The following CST2 variants were observed in gnomAD, a reference collection of about 807,000 sequenced individuals.
CST2 encodes cystatin SA, also known as cystatin-SA.
In CST2, 26 loss-of-function variants were observed where a neutral mutation model predicts 13.4. The observed-to-expected ratio is 1.95, with a 90% CI of 1.43 to 2.70. The LOEUF (loss-of-function observed/expected upper bound fraction) is 2.70. Ranked by LOEUF, CST2 falls within the 30% of genes most tolerant of loss-of-function variation. The pLI is 0.00. For synonymous variants in CST2, 105 were observed against 71.1 expected, an observed-to-expected ratio of 1.48 and a Z score of -2.40; for missense variants, 243 against 173.4, an observed-to-expected ratio of 1.40 and a Z score of -2.25.
intron 2 of CST2, among the ~76,000 whole-genome samples, chr20:23,824,918 A>T (rs73902188): frequency 5.3e-5 from 8 of 151,742 alleles, no homozygotes; most frequent in Non-Finnish European, 8.8e-5. Context: ...GGACCCCTCA[A>T]CCCCATGGAT....
At chr20:23,825,448 A>G (rs1984803440) in intron 1 of CST2, 125 bp from the exon 2 acceptor site, 7 of 884,820 alleles carry the variant, frequency 7.9e-6, no homozygotes, top group East Asian at 2.5e-5. Context: ...ACATGTCAAC[A>G]CAAGGCACAC....
chr20:23,823,901 TCTC>T lies in CST2; in HGVS notation c.*116_*118del, dbSNP rs2122131171. On this transcript the variant is annotated 3_prime_UTR_variant, in exon 3 of 3. Transcript: ENST00000304725. ...AGGCCTCCTGCAGCCTTCTCTGTCT[TCTC>T]CTGCTGCAGGTGCATGGGGAGACCT... is the stretch of plus-strand genomic sequence containing the variant. 7 of 1,058,000 alleles carry T rather than the reference TCTC, an allele frequency of 6.6e-6. No individual in the cohort carries two copies. Among genetic ancestry groups the T allele is most frequent in the South Asian group, 1.5e-5 (1 of 68,752 alleles). The allele number at this position is 1,058,000 out of a possible 1,614,324, so 65.5% of individuals were successfully genotyped here.
chr20:23,824,299 A>C (rs1007860797), intron 2 of CST2, among the ~76,000 whole-genome samples, 196 bp from the exon 3 acceptor site: 2 of 151,982 alleles, frequency 1.3e-5, no homozygotes, highest in African/African-American at 2.4e-5. Context: ...GCTCCAAGTC[A>C]CCAGGTGGCA....
rs1984856973 is a variant in CST2 at position 23,826,729 on chromosome 20, C to T, written c.-69G>A. ...GAGGTTGAGAGCCTGAGGCGGGGATCCCAGACCAGCAGGCAGCTGTGCATT... is the reference window on the plus strand; with the variant it reads ...GAGGTTGAGAGCCTGAGGCGGGGATTCCAGACCAGCAGGCAGCTGTGCATT... On this transcript the variant is annotated 5_prime_UTR_variant, in exon 1 of 3. Transcript: ENST00000304725. 1 of 1,389,686 alleles carries T rather than the reference C, an allele frequency of 7.2e-7. No homozygotes were observed. Among genetic ancestry groups the T allele is most frequent in the African/African-American group, 1.4e-5 (1 of 69,828 alleles). 86.1% of individuals were successfully genotyped at this position (1,389,686 alleles called of 1,614,324 possible).
intron 2 of CST2, 116 bp from the exon 3 acceptor site, chr20:23,824,219 C>T: frequency 1.0e-6 from 1 of 997,100 alleles, no homozygotes; most frequent in South Asian, 1.5e-5. Context: ...ACTGGGCCCT[C>T]ACCCACCCCT....
chr20:23,824,189 G>A (rs1984754412), intron 2 of CST2, 86 bp from the exon 3 acceptor site: 4 of 1,365,234 alleles, frequency 2.9e-6, no homozygotes, highest in Middle Eastern at 1.8e-4. Flanking sequence ...CAGCCTGAGT[G>A]AGGAGGATGG....
chr20:23,824,589 C>T (rs1268177526), intron 2 of CST2, among the ~76,000 whole-genome samples: 8 of 152,272 alleles, frequency 5.3e-5, no homozygotes, highest in East Asian at 3.9e-4. Flanking sequence ...CAGCAGGTCC[C>T]TGGAGAGGCT....
rs200643810 is a variant in CST2, at chr20:23,824,553, C to T, written c.343-450G>A. Among the ~76,000 whole-genome samples, 12 of 152,272 alleles carry T rather than the reference C, an allele frequency of 7.9e-5. No individual in the cohort carries two copies. In the East Asian group the frequency reaches 2.1e-3, roughly 27 times the overall value. ...ATGGTAACAAGGGGAGTGTGGCTCT[C>T]CCCTGAGTGGAGACCTCACAAGAAC... On this transcript the variant is annotated intron_variant, in intron 2 of 2. Coordinates refer to ENST00000304725, the MANE Select transcript of CST2 (RefSeq NM_001322.3).
intron 1 of CST2, among the ~76,000 whole-genome samples, chr20:23,825,765 G>A (rs1479909229): frequency 6.6e-6 from 1 of 152,208 alleles, no homozygotes; most frequent in Non-Finnish European, 1.5e-5. Flanking sequence ...GGTCCCAGTT[G>A]ACAGCTGCAG....
chr20:23,826,354 A>T, intron 1 of CST2, 79 bp downstream of exon 1: 1 of 1,094,952 alleles, frequency 9.1e-7, no homozygotes, highest in Non-Finnish European at 1.4e-6. Context: ...ATCAGTGTTG[A>T]TGTGCTGCGA....
intron 2 of CST2, among the ~76,000 whole-genome samples, chr20:23,824,981 G>C (rs1337623046): frequency 6.6e-6 from 1 of 151,714 alleles, no homozygotes; most frequent in East Asian, 1.9e-4. Flanking sequence ...CTCCCATACA[G>C]CTCCCTGCAC....
At chr20:23,825,145 G>C in intron 2 of CST2, 65 bp downstream of exon 2, 1 of 1,596,340 alleles carries the variant, frequency 6.3e-7, no homozygotes, top group South Asian at 1.1e-5. Flanking sequence ...GTGTAGGGCA[G>C]AGACTGACAC....
intron 1 of CST2, among the ~76,000 whole-genome samples, 169 bp downstream of exon 1, chr20:23,826,264 C>T (rs538554318): frequency 2.6e-5 from 4 of 152,276 alleles, no homozygotes; most frequent in Admixed American, 6.5e-5. Flanking sequence ...CTCCATCCCC[C>T]GGGAGCATGC....
In CST2 at chr20:23,825,896, C is replaced by A. The variant is rs371989886; in HGVS notation, c.228+537G>T. On this transcript the variant is annotated intron_variant, in intron 1 of 2. Transcript: ENST00000304725. ...ATGCAGGTAAAGCTGGGCCCAATAG[C>A]CCTTCTGAAGCTCTCTCTTGACCTG... 6.0e-3 allele frequency among the ~76,000 whole-genome samples: 909 copies of A among 152,296 alleles called. 11 individuals carry two copies. The highest frequency in any genetic ancestry group is 0.02 in the African/African-American group (845 of 41,542).
At chr20:23,825,027 CACATGCACATCT>C (rs1359749152) in intron 2 of CST2, among the ~76,000 whole-genome samples, 171 bp downstream of exon 2, 7 of 152,070 alleles carry the variant, frequency 4.6e-5, no homozygotes, top group African/African-American at 9.7e-5. Flanking sequence ...TGCACCTTTC[CACATGCACATCT>C]ACATGCACAA....
Position 23,826,528 on chromosome 20 carries a change from G to A in CST2, c.133C>T (p.Gln45Ter), listed in dbSNP as rs554941008. 1.2e-6 allele frequency: 2 copies of A among 1,614,120 alleles called. No homozygotes were observed. The highest frequency in any genetic ancestry group is 2.2e-5 in the East Asian group (1 of 44,852). Residue 45 changes from glutamine to a stop codon, truncating the protein, a stop_gained, in exon 1 of 3, where the codon CAG (glutamine) becomes TAG (stop). Transcript: ENST00000304725. LOFTEE classifies it high-confidence loss of function. ...CTGATGACAAAGTGAAGGGCACGCT[G>A]TACCCGCTCATCATTGAGGTCTGCA... ...YDADLNDERV[Q>*]RALHFVISEY... is the part of the protein sequence containing the mutation.
At chr20:23,826,358 G>A (rs1325262308) in intron 1 of CST2, 75 bp downstream of exon 1, 2 of 1,149,926 alleles carry the variant, frequency 1.7e-6, no homozygotes, top group Non-Finnish European at 2.6e-6. Context: ...GTGTTGATGT[G>A]CTGCGAATGC....
At chr20:23,825,529 G>A (rs1264915731) in intron 1 of CST2, among the ~76,000 whole-genome samples, 1 of 152,230 alleles carries the variant, frequency 6.6e-6, no homozygotes, top group Non-Finnish European at 1.5e-5. Context: ...TTTTCTCTGT[G>A]CTGGGTAAAA....
intron 1 of CST2, among the ~76,000 whole-genome samples, chr20:23,825,978 T>C (rs546177595): frequency 2.0e-5 from 3 of 152,300 alleles, no homozygotes; most frequent in East Asian, 3.9e-4. Flanking sequence ...GGTCTAACTC[T>C]GCATCAACTC....
Sources: gnomAD v4.1 joint callset for allele counts (sites outside exome capture counted in the v4.1 genomes callset) on GRCh38, gnomAD v4.1.1 for gene constraint, MANE v1.5 for transcripts, NCBI Gene and HGNC (gene_info 2026-07-23, HGNC 2026-07-21) for gene names.